Variants in PTPRD observed in about 807,000 individuals in gnomAD.
PTPRD encodes receptor-type tyrosine-protein phosphatase delta.
A neutral mutation model predicts 214.5 loss-of-function variants in PTPRD; 34 were observed. The ratio of observed to expected loss-of-function variants is 0.16; its 90% CI spans 0.12 to 0.21. The LOEUF (loss-of-function observed/expected upper bound fraction) is 0.21, where lower values mean the gene tolerates loss of function less well. Ranked by LOEUF, PTPRD falls within the 10% of genes least tolerant of loss-of-function variation. The pLI, the probability that PTPRD is intolerant of heterozygous loss-of-function variation, is 1.00. For synonymous variants in PTPRD, 1,128 were observed against 845.7 expected (o/e 1.33, Z -5.79); for missense variants, 2,545 against 2,398.7 (o/e 1.06, Z -1.27).
chr9:10,081,111 G>C (rs1590603806), intron 3 of PTPRD, among the ~76,000 whole-genome samples: 1 of 151,470 alleles, frequency 6.6e-6, no homozygotes, highest in Non-Finnish European at 1.5e-5. Context: ...CCATCTTATA[G>C]TTAAGGCATA....
chr9:10,192,445 GAAAAAAA>G (rs552289562), intron 3 of PTPRD, among the ~76,000 whole-genome samples: 2 of 72,660 alleles, frequency 2.8e-5, no homozygotes, highest in Non-Finnish European at 5.1e-5. Context: ...CACGATCCAG[GAAAAAAA>G]AAAAAAAAAA....
In PTPRD at chr9:9,619,591, TAGAG is replaced by T. The variant is rs774485519; in HGVS notation, c.-286-44814_-286-44811del. ...GTCTAGATTAATATATCATATATGTTAGAGAGATAATATACAAATATCTATATAT... is the reference window on the plus strand; with the variant it reads ...GTCTAGATTAATATATCATATATGTTAGATAATATACAAATATCTATATAT... On this transcript the variant is annotated intron_variant, in intron 7 of 45. Transcript: ENST00000381196. 9.6e-5 allele frequency among the ~76,000 whole-genome samples: 14 copies of T among 145,910 alleles called. No homozygotes were observed. In the South Asian group the frequency reaches 1.7e-3, roughly 18 times the overall value.
rs1820976715 is a variant in PTPRD at position 8,315,081 on chromosome 9, A to C, written c.*2793T>G. On this transcript the variant is annotated 3_prime_UTR_variant, in exon 46 of 46. Coordinates refer to ENST00000381196, the MANE Select transcript of PTPRD (RefSeq NM_002839.4). ...TAGCACCGTACTGGTTATGATGATGAAAATAACTGGAAACTTGAAAGCTTG... is the reference window on the plus strand; with the variant it reads ...TAGCACCGTACTGGTTATGATGATGCAAATAACTGGAAACTTGAAAGCTTG... 1 of 232,482 alleles carries C rather than the reference A, an allele frequency of 4.3e-6. No homozygotes were observed. Among genetic ancestry groups the C allele is most frequent in the Non-Finnish European group, 8.5e-6 (1 of 117,350 alleles). The allele number at this position is 232,482 out of a possible 1,614,324, so 14.4% of individuals were successfully genotyped here. A position where few individuals can be genotyped will look rare whatever the true frequency, so the allele number is the denominator to read the frequency against.
At chr9:8,629,204 T>G (rs1485108372) in intron 14 of PTPRD, among the ~76,000 whole-genome samples, 2 of 151,820 alleles carry the variant, frequency 1.3e-5, no homozygotes, top group Non-Finnish European at 2.9e-5. Flanking sequence ...AACTTTGTCT[T>G]AGAGAAGGGA....
chr9:9,664,711 C>G (rs147046269), intron 7 of PTPRD, among the ~76,000 whole-genome samples: 39 of 151,790 alleles, frequency 2.6e-4, no homozygotes, highest in African/African-American at 9.4e-4. Context: ...AGTATTATTA[C>G]TTAAGCAGAA....
rs566506170 is a variant in PTPRD, at chr9:8,743,116, G to C, written c.-103-9170C>G. Among the ~76,000 whole-genome samples the C allele has an allele frequency of 1.1e-3, 163 of 145,326 alleles. 1 individual carries two copies. Among genetic ancestry groups the C allele is most frequent in the Middle Eastern group, 3.4e-3 (1 of 290 alleles). Reference sequence around the variant, plus strand: ...AAAAATTCCAAATTAAAAAAAAAAGGGGGGGGGGACTTTTAAGACATAATC... The same window carrying C: ...AAAAATTCCAAATTAAAAAAAAAAGCGGGGGGGGACTTTTAAGACATAATC... On this transcript the variant is annotated intron_variant, in intron 11 of 45. Transcript: ENST00000381196.
At chr9:9,347,846 A>C (rs1406851610) in intron 9 of PTPRD, among the ~76,000 whole-genome samples, 1 of 152,144 alleles carries the variant, frequency 6.6e-6, no homozygotes, top group Non-Finnish European at 1.5e-5. Flanking sequence ...GACTGGAAGA[A>C]TTCAAATCAT....
At chr9:9,361,115 GT>G (rs1184081763) in intron 9 of PTPRD, among the ~76,000 whole-genome samples, 2 of 151,086 alleles carry the variant, frequency 1.3e-5, no homozygotes, top group Non-Finnish European at 3.0e-5. Flanking sequence ...ATCCATTTTA[GT>G]TTTTGTCATT....
chr9:10,478,892 T>C (rs1026555295), intron 2 of PTPRD, among the ~76,000 whole-genome samples: 2 of 152,004 alleles, frequency 1.3e-5, no homozygotes, highest in African/African-American at 4.8e-5. Context: ...CAGTGAGATC[T>C]TGAAATGAAA....
intron 11 of PTPRD, among the ~76,000 whole-genome samples, chr9:8,789,583 T>C (rs144109318): frequency 1.5e-3 from 226 of 152,300 alleles, no homozygotes; most frequent in Admixed American, 2.6e-3. Context: ...AATTCCGTTA[T>C]TGGCAATGTA....
At chr9:9,233,309 A>T (rs945449381) in intron 9 of PTPRD, among the ~76,000 whole-genome samples, 34 of 152,132 alleles carry the variant, frequency 2.2e-4, no homozygotes, top group Admixed American at 2.2e-3. Context: ...TCTCACTATC[A>T]TGAGAACAAT....
chr9:8,384,009 A>G (rs939516079), intron 37 of PTPRD, among the ~76,000 whole-genome samples: 1 of 152,208 alleles, frequency 6.6e-6, no homozygotes, highest in African/African-American at 2.4e-5. Context: ...AGTAGGAGAG[A>G]AACAGTCAAG....
At chr9:8,739,314 G>T (rs962612606) in intron 11 of PTPRD, among the ~76,000 whole-genome samples, 2 of 152,218 alleles carry the variant, frequency 1.3e-5, no homozygotes, top group Non-Finnish European at 2.9e-5. Context: ...AGAGAAGGGA[G>T]CCATCTAAAT....
intron 11 of PTPRD, among the ~76,000 whole-genome samples, chr9:8,782,548 CAACCT>C (rs2095761133): frequency 6.6e-6 from 1 of 151,342 alleles, no homozygotes; most frequent in African/African-American, 2.4e-5. Context: ...AGGGAACCCT[CAACCT>C]ATTTCAGTGC....
At chr9:9,613,484 G>A (rs1176903758) in intron 7 of PTPRD, among the ~76,000 whole-genome samples, 1 of 151,942 alleles carries the variant, frequency 6.6e-6, no homozygotes, top group South Asian at 2.1e-4. Context: ...TGCCCTTGTT[G>A]TGAGTTTCTT....
chr9:10,421,263 C>G (rs918922965), intron 2 of PTPRD, among the ~76,000 whole-genome samples: 2 of 151,756 alleles, frequency 1.3e-5, no homozygotes, highest in Non-Finnish European at 2.9e-5. Flanking sequence ...CCACTTAGAC[C>G]TCATACTTAC....
chr9:10,058,902 G>A (rs2097706752), intron 3 of PTPRD, among the ~76,000 whole-genome samples: 1 of 152,042 alleles, frequency 6.6e-6, no homozygotes, highest in Non-Finnish European at 1.5e-5. Context: ...AACCTTAACT[G>A]AGACAGCACA....
chr9:9,307,137 T>C (rs949006754), intron 9 of PTPRD, among the ~76,000 whole-genome samples: 2 of 152,170 alleles, frequency 1.3e-5, no homozygotes, highest in Non-Finnish European at 2.9e-5. Context: ...CCAAAAGCTT[T>C]ATGGAAGCTA....
At chr9:10,600,182 A>T (rs1156715680) in intron 2 of PTPRD, among the ~76,000 whole-genome samples, 1 of 151,802 alleles carries the variant, frequency 6.6e-6, no homozygotes, top group Non-Finnish European at 1.5e-5. Context: ...TGTTTAAACC[A>T]TTATATAAAT....
Sources: allele counts gnomAD v4.1 joint callset (sites outside exome capture counted in the v4.1 genomes callset), GRCh38; gene constraint gnomAD v4.1.1; transcripts MANE v1.5; gene names NCBI Gene and HGNC (gene_info 2026-07-23, HGNC 2026-07-21).